Variants in KLHL4 observed in about 807,000 individuals in gnomAD.
The protein encoded by KLHL4 is kelch like family member 4.
Under a neutral mutation model 45.8 loss-of-function variants are expected in KLHL4, and 17 were observed. That is an observed-to-expected ratio of 0.37 (90% CI 0.25 to 0.56). The LOEUF is 0.56. Ranked by LOEUF, KLHL4 falls within the 20% of genes least tolerant of loss-of-function variation. KLHL4 has a pLI of 0.79. For missense variants in KLHL4, 544 were observed against 544.9 expected (o/e 1.00, Z 0.02); for synonymous variants, 224 against 189.9 (o/e 1.18, Z -1.47).
At chrX:87,576,819 C>T (rs1009960376) in intron 1 of KLHL4, among the ~76,000 whole-genome samples, 6 of 111,476 alleles carry the variant, frequency 5.4e-5, no homozygotes, top group African/African-American at 2.0e-4. Flanking sequence ...TCTACATACA[C>T]ATAGATATGG....
At chrX:87,657,193 G>A (rs747991537) in intron 9 of KLHL4, among the ~76,000 whole-genome samples, 3 of 112,405 alleles carry the variant, frequency 2.7e-5, no homozygotes, top group Admixed American at 9.4e-5. Flanking sequence ...GGTGGTGGTG[G>A]TGGTAGCAGA....
Position 87,625,630 on chromosome X carries a change from C to G in KLHL4, c.1158C>G (p.Thr386=), listed in dbSNP as rs748134809. 14 of 1,203,344 alleles carry G rather than the reference C, an allele frequency of 1.2e-5. No homozygotes were observed. Among genetic ancestry groups the G allele is most frequent in the Non-Finnish European group, 1.5e-5 (13 of 892,015 alleles). The change falls in exon 6 of 11, where the codon ACC becomes ACG. Residue 386 remains threonine (T), a synonymous_variant. Coordinates refer to ENST00000373119, the MANE Select transcript of KLHL4 (RefSeq NM_019117.5). ...TTCAGTTACTGGCAGATCTTGAAAC[C>G]AGTTCCATGTTTACTGGTGATCTTG... The part of the protein sequence containing the change: ...LPPQLLADLE[T]SSMFTGDLEC...
At chrX:87,564,680 G>A (rs995756298) in intron 1 of KLHL4, among the ~76,000 whole-genome samples, 1 of 111,588 alleles carries the variant, frequency 9.0e-6, no homozygotes, top group African/African-American at 3.2e-5. Flanking sequence ...AGAAAAAACC[G>A]ATAAAATTGC....
intron 1 of KLHL4, among the ~76,000 whole-genome samples, chrX:87,599,405 T>C (rs1602436543): frequency 8.9e-6 from 1 of 111,958 alleles, no homozygotes; most frequent in East Asian, 2.8e-4. Context: ...CTTTTTAGAT[T>C]CAAATTTAAT....
intron 1 of KLHL4, among the ~76,000 whole-genome samples, chrX:87,525,428 T>C (rs964030921): frequency 9.0e-6 from 1 of 111,575 alleles, no homozygotes; most frequent in African/African-American, 3.2e-5. Context: ...CTTCCTATGC[T>C]AAAAGAAAAA....
At position 87,618,066 on chromosome X, in the gene KLHL4, C is replaced by T. The variant is rs1476085711; in HGVS notation, c.862C>T (p.Arg288Ter). ...CCATCCTTCAAACTGCTTAGGGATTCGATCATTTGGAGATGCCCAAGGCTG... is the reference window on the plus strand; with the variant it reads ...CCATCCTTCAAACTGCTTAGGGATTTGATCATTTGGAGATGCCCAAGGCTG... ...QLHPSNCLGIRSFGDAQGCTE... is the reference protein window; with the variant it reads ...QLHPSNCLGI Residue 288 changes from arginine (R) to a stop codon, truncating the protein, a stop_gained, in exon 4 of 11, where the codon CGA becomes TGA. Coordinates refer to ENST00000373119, the MANE Select transcript of KLHL4 (RefSeq NM_019117.5). LOFTEE classifies it high-confidence loss of function. The T allele has an allele frequency of 8.3e-7, 1 of 1,210,699 alleles. No individual in the cohort carries two copies.
intron 9 of KLHL4, among the ~76,000 whole-genome samples, chrX:87,647,003 G>A (rs1344999820): frequency 9.0e-6 from 1 of 110,718 alleles, no homozygotes; most frequent in Non-Finnish European, 1.9e-5. Context: ...TCTAACAAAG[G>A]ACAGAATCCA....
intron 1 of KLHL4, among the ~76,000 whole-genome samples, chrX:87,552,713 A>AT (rs1569339892): frequency 1.6e-5 from 1 of 64,210 alleles, no homozygotes; most frequent in African/African-American, 6.6e-5. Flanking sequence ...ATATATATAT[A>AT]ACATGGCATT....
At chrX:87,532,267 G>A (rs1931307684) in intron 1 of KLHL4, among the ~76,000 whole-genome samples, 1 of 110,082 alleles carries the variant, frequency 9.1e-6, no homozygotes, top group Admixed American at 9.7e-5. Context: ...TATTTCTGAG[G>A]GCTCTGTTCT....
intron 8 of KLHL4, among the ~76,000 whole-genome samples, chrX:87,634,650 T>C (rs1374004957): frequency 8.9e-6 from 1 of 111,973 alleles, no homozygotes; most frequent in East Asian, 2.8e-4. Context: ...ATGGTCTCAG[T>C]CAAAATGTCA....
chrX:87,523,836 A>G (rs1931052957), intron 1 of KLHL4, among the ~76,000 whole-genome samples: 1 of 110,601 alleles, frequency 9.0e-6, no homozygotes, highest in South Asian at 3.8e-4. Flanking sequence ...GGTGGCAGGC[A>G]CCTGTAATCC....
At chrX:87,592,017 T>C (rs1921684679) in intron 1 of KLHL4, among the ~76,000 whole-genome samples, 1 of 108,588 alleles carries the variant, frequency 9.2e-6, no homozygotes, top group Non-Finnish European at 1.9e-5. Context: ...CCCACTATCC[T>C]TGCCAGCCCG....
At chrX:87,541,505 A>G (rs1423029657) in intron 1 of KLHL4, among the ~76,000 whole-genome samples, 1 of 105,820 alleles carries the variant, frequency 9.5e-6, no homozygotes, top group Non-Finnish European at 1.9e-5. Flanking sequence ...AAAAAAAAAA[A>G]AAAAAAAAAG....
intron 1 of KLHL4, among the ~76,000 whole-genome samples, chrX:87,573,857 C>T (rs1432650109): frequency 9.0e-6 from 1 of 111,422 alleles, no homozygotes; most frequent in Non-Finnish European, 1.9e-5. Context: ...AAGTCTTTGT[C>T]TTCATAGGTA....
At chrX:87,549,326 A>G (rs1375164523) in intron 1 of KLHL4, among the ~76,000 whole-genome samples, 1 of 111,368 alleles carries the variant, frequency 9.0e-6, no homozygotes, top group African/African-American at 3.3e-5. Context: ...AATAATAGCT[A>G]AAAACTTCAG....
chrX:87,565,467 C>CT (rs1932186569), intron 1 of KLHL4, among the ~76,000 whole-genome samples: 1 of 110,739 alleles, frequency 9.0e-6, no homozygotes, highest in African/African-American at 3.3e-5. Flanking sequence ...GTGGCTCATG[C>CT]CTGTAATCCC....
At chrX:87,553,160 T>C (rs991313853) in intron 1 of KLHL4, among the ~76,000 whole-genome samples, 1 of 110,430 alleles carries the variant, frequency 9.1e-6, no homozygotes, top group Non-Finnish European at 1.9e-5. Context: ...GCTTTGATAA[T>C]GTGGTTAGCT....
At chrX:87,608,819 T>G (rs777956243) in intron 1 of KLHL4, among the ~76,000 whole-genome samples, 6 of 111,195 alleles carry the variant, frequency 5.4e-5, no homozygotes, top group Non-Finnish European at 1.1e-4. Context: ...CATGCAGGTT[T>G]GTTACATATG....
chrX:87,622,074 C>T, intron 4 of KLHL4, 137 bp from the exon 5 acceptor site: 1 of 457,493 alleles, frequency 2.2e-6, no homozygotes, highest in African/African-American at 2.4e-5. Flanking sequence ...GTAGCAGGAG[C>T]ACCTATTTTT....
Sources: gnomAD v4.1 joint callset for allele counts (sites outside exome capture counted in the v4.1 genomes callset) on GRCh38, gnomAD v4.1.1 for gene constraint, MANE v1.5 for transcripts, NCBI Gene and HGNC (gene_info 2026-07-23, HGNC 2026-07-21) for gene names.